The following PKP1 variants were observed in gnomAD, a reference collection of about 807,000 sequenced individuals.
The protein encoded by PKP1 is plakophilin 1, also known as plakophilin-1.
Under a neutral mutation model 76.4 loss-of-function variants are expected in PKP1, and 27 were observed. That is an observed-to-expected ratio of 0.35 (90% CI 0.26 to 0.49). PKP1 has a LOEUF of 0.49. Among genes scored for constraint, PKP1 ranks in the 20% least tolerant of loss-of-function variants. The pLI is 0.99. For missense variants in PKP1, 964 were observed against 955.2 expected, an observed-to-expected ratio of 1.01 and a Z score of -0.12; for synonymous variants, 404 against 384.2, an observed-to-expected ratio of 1.05 and a Z score of -0.60.
At chr1:201,303,723 AG>A (rs887309545) in intron 2 of PKP1, among the ~76,000 whole-genome samples, 1 of 152,210 alleles carries the variant, frequency 6.6e-6, no homozygotes, top group African/African-American at 2.4e-5. Context: ...AATGGGAAAA[AG>A]AAGTCCTTTC....
chr1:201,288,104 C>A (rs899210684), intron 1 of PKP1, among the ~76,000 whole-genome samples: 11 of 152,140 alleles, frequency 7.2e-5, no homozygotes, highest in African/African-American at 2.7e-4. Flanking sequence ...TGTGCTGTGT[C>A]AGGAGCCCAG....
chr1:201,329,716 G>C (rs1421361196), intron 13 of PKP1, among the ~76,000 whole-genome samples: 2 of 152,180 alleles, frequency 1.3e-5, no homozygotes, highest in African/African-American at 4.8e-5. Context: ...CTGTAACTTT[G>C]GTCTGGATGA....
chr1:201,295,867 T>A (rs1656055145), intron 2 of PKP1, among the ~76,000 whole-genome samples: 1 of 138,734 alleles, frequency 7.2e-6, no homozygotes, highest in East Asian at 2.2e-4. Context: ...AGGAACTCTT[T>A]CGGGGAAGGT....
intron 9 of PKP1, among the ~76,000 whole-genome samples, chr1:201,324,099 C>T (rs1042992214): frequency 6.6e-6 from 1 of 152,160 alleles, no homozygotes; most frequent in Admixed American, 6.5e-5. Context: ...GTAATGGGGG[C>T]AGCGCTGAGA....
intron 7 of PKP1, among the ~76,000 whole-genome samples, 197 bp downstream of exon 7, chr1:201,320,578 T>C (rs1036208198): frequency 1.3e-5 from 2 of 152,320 alleles, no homozygotes; most frequent in Admixed American, 6.5e-5. Flanking sequence ...CCACTCTCCC[T>C]CACTTAGAAG....
At chr1:201,326,804 T>C (rs1396842580) in intron 12 of PKP1, among the ~76,000 whole-genome samples, 1 of 152,134 alleles carries the variant, frequency 6.6e-6, no homozygotes, top group East Asian at 1.9e-4. Context: ...TGCATGTGTA[T>C]GGAAAAGTCT....
At position 201,330,062 on chromosome 1, in the gene PKP1, C is replaced by A. The variant is rs918184630; in HGVS notation, c.*33-12C>A. ...CTGTAAACACTAACTGGAGGACTTT[C>A]TCCTTTTCCAGGAAGATATGACCCA... is the stretch of plus-strand genomic sequence containing the variant. On this transcript the variant is annotated splice_polypyrimidine_tract_variant and intron_variant, in intron 13 of 13. Coordinates refer to ENST00000367324, the MANE Select transcript of PKP1 (RefSeq NM_001005337.3). 6.6e-6 allele frequency: 1 copy of A among 152,212 alleles called. No individual in the cohort carries two copies. Among genetic ancestry groups the A allele is most frequent in the Admixed American group, 6.5e-5 (1 of 15,280 alleles). 9.4% of individuals were successfully genotyped at this position (152,212 alleles called of 1,614,324 possible).
chr1:201,321,519 C>A (rs1417555049), intron 7 of PKP1, among the ~76,000 whole-genome samples: 2 of 151,760 alleles, frequency 1.3e-5, no homozygotes, highest in Non-Finnish European at 2.9e-5. Context: ...GATGGGGGCA[C>A]TAGATGGCTT....
At chr1:201,291,279 G>A (rs1480168044) in intron 1 of PKP1, among the ~76,000 whole-genome samples, 1 of 152,158 alleles carries the variant, frequency 6.6e-6, no homozygotes, top group African/African-American at 2.4e-5. Flanking sequence ...ATGCCTTCAG[G>A]AACTGCCTGG....
chr1:201,313,651 A>T, intron 3 of PKP1, 91 bp downstream of exon 3: 5 of 1,340,762 alleles, frequency 3.7e-6, no homozygotes, highest in Non-Finnish European at 5.1e-6. Flanking sequence ...GGCTCCTGGG[A>T]TGACAGGAGA....
intron 3 of PKP1, among the ~76,000 whole-genome samples, chr1:201,315,079 C>T (rs891145021): frequency 8.5e-5 from 13 of 152,310 alleles, no homozygotes; most frequent in East Asian, 3.9e-4. Context: ...ACCTGATGGC[C>T]GTAAGGCGTA....
intron 2 of PKP1, among the ~76,000 whole-genome samples, chr1:201,300,158 A>G (rs961308855): frequency 1.3e-5 from 2 of 152,238 alleles, no homozygotes; most frequent in Non-Finnish European, 2.9e-5. Flanking sequence ...CAAGGGACAG[A>G]ATGTGCCTCT....
At chr1:201,303,136 C>A (rs907556376) in intron 2 of PKP1, among the ~76,000 whole-genome samples, 2 of 152,204 alleles carry the variant, frequency 1.3e-5, no homozygotes, top group African/African-American at 4.8e-5. Context: ...CTATTATTTA[C>A]TTATTTTTAA....
chr1:201,293,913 C>T (rs1229560284), intron 1 of PKP1, 29 bp from the exon 2 acceptor site: 1 of 1,464,198 alleles, frequency 6.8e-7, no homozygotes, highest in Non-Finnish European at 9.5e-7. Flanking sequence ...ATGGCCATCC[C>T]TGTCCTAATC....
At position 201,327,210 on chromosome 1, in the gene PKP1, G is replaced by A. The variant is rs182486709; in HGVS notation, c.2106+1372G>A. Among the ~76,000 whole-genome samples, 22 of 152,338 alleles carry A rather than the reference G, an allele frequency of 1.4e-4. No homozygotes were observed. In the East Asian group the frequency reaches 3.1e-3, roughly 21 times the overall value. On this transcript the variant is annotated intron_variant, in intron 12 of 13. Transcript: ENST00000367324. Reference sequence around the variant, plus strand: ...AAAAGAGATCTGTTTAAAGACAGAGGAGACTCAAGCATCTCTGTCATGGGA... The same window carrying A: ...AAAAGAGATCTGTTTAAAGACAGAGAAGACTCAAGCATCTCTGTCATGGGA...
At chr1:201,329,115 G>A (rs1657235045) in intron 13 of PKP1, among the ~76,000 whole-genome samples, 1 of 152,188 alleles carries the variant, frequency 6.6e-6, no homozygotes, top group African/African-American at 2.4e-5. Context: ...AGGACTGCTA[G>A]GTACAAATGT....
At chr1:201,285,857 C>A (rs572566277) in intron 1 of PKP1, among the ~76,000 whole-genome samples, 1 of 152,196 alleles carries the variant, frequency 6.6e-6, no homozygotes, top group African/African-American at 2.4e-5. Flanking sequence ...TCCCAAGGTC[C>A]CCCAGGGGGC....
intron 2 of PKP1, among the ~76,000 whole-genome samples, chr1:201,305,888 C>G (rs1313071719): frequency 6.6e-6 from 1 of 152,194 alleles, no homozygotes; most frequent in African/African-American, 2.4e-5. Flanking sequence ...GACAATTGAA[C>G]CAGCCTCTGG....
intron 8 of PKP1, among the ~76,000 whole-genome samples, chr1:201,322,799 A>G (rs1224420760): frequency 6.6e-6 from 1 of 152,190 alleles, no homozygotes; most frequent in Non-Finnish European, 1.5e-5. Context: ...CTGGGGGACC[A>G]TGGCCCATTC....
Sources: allele counts gnomAD v4.1 joint callset (sites outside exome capture counted in the v4.1 genomes callset), GRCh38; gene constraint gnomAD v4.1.1; transcripts MANE v1.5; gene names NCBI Gene and HGNC (gene_info 2026-07-23, HGNC 2026-07-21).